The following CDH12 variants were observed in gnomAD, a reference collection of about 807,000 sequenced individuals.
The protein encoded by CDH12 is cadherin-12.
A neutral mutation model predicts 74.1 loss-of-function variants in CDH12; 41 were observed. The observed-to-expected ratio is 0.55, with a 90% CI of 0.43 to 0.72. CDH12 has a LOEUF of 0.72. Among genes scored for constraint, CDH12 ranks in the 30% least tolerant of loss-of-function variants. CDH12 has a pLI of 0.00. For missense variants in CDH12, 945 were observed against 977.2 expected (o/e 0.97, Z 0.44); for synonymous variants, 399 against 355.0 (o/e 1.12, Z -1.39).
chr5:22,699,444 A>AT (rs1465248712), intron 1 of CDH12, among the ~76,000 whole-genome samples: 1 of 151,322 alleles, frequency 6.6e-6, no homozygotes, highest in Non-Finnish European at 1.5e-5. Flanking sequence ...AAAGGCTTTG[A>AT]TACACAAAAG....
chr5:22,531,597 CAT>C (rs1215187844), intron 1 of CDH12, among the ~76,000 whole-genome samples: 1 of 152,068 alleles, frequency 6.6e-6, no homozygotes, highest in Non-Finnish European at 1.5e-5. Flanking sequence ...TAATGTATAA[CAT>C]ATTATGCAGA....
At chr5:22,411,586 G>A (rs569589156) in intron 2 of CDH12, among the ~76,000 whole-genome samples, 1 of 152,040 alleles carries the variant, frequency 6.6e-6, no homozygotes, top group African/African-American at 2.4e-5. Context: ...TATTTCCCCA[G>A]AGGACAATTT....
intron 5 of CDH12, among the ~76,000 whole-genome samples, chr5:22,040,468 T>C (rs1041292791): frequency 5.9e-5 from 9 of 152,188 alleles, no homozygotes; most frequent in African/African-American, 1.9e-4. Context: ...AAGTCCCATA[T>C]AGTTTCAACC....
intron 5 of CDH12, among the ~76,000 whole-genome samples, chr5:21,992,821 C>T (rs1757808912): frequency 6.6e-6 from 1 of 152,032 alleles, no homozygotes; most frequent in African/African-American, 2.4e-5. Flanking sequence ...ATGTATTAGT[C>T]CATTTTCACT....
chr5:22,304,973 T>G lies in CDH12; in HGVS notation c.-332-92330A>C, dbSNP rs117018076. Among the ~76,000 whole-genome samples the G allele has an allele frequency of 7.9e-4, 121 of 152,350 alleles. No individual in the cohort carries two copies. The East Asian group carries it at 0.019, about 24-fold the overall frequency. On this transcript the variant is annotated intron_variant, in intron 3 of 14. Transcript: ENST00000382254. The stretch of plus-strand genomic sequence containing the variant: ...AAATACTAGAAGGCCCCAAGGTGTG[T>G]GGCAGAGTCAATTCATAAATATTCA...
At chr5:22,069,802 C>A (rs1423534898) in intron 5 of CDH12, among the ~76,000 whole-genome samples, 1 of 152,044 alleles carries the variant, frequency 6.6e-6, no homozygotes, top group Non-Finnish European at 1.5e-5. Context: ...CCTTAGGGCA[C>A]CCCTTATATT....
At chr5:21,831,243 A>C (rs1749005792) in intron 8 of CDH12, among the ~76,000 whole-genome samples, 1 of 152,078 alleles carries the variant, frequency 6.6e-6, no homozygotes, top group African/African-American at 2.4e-5. Flanking sequence ...TATTTTCATA[A>C]ACATCAATAC....
At chr5:22,639,803 A>G (rs1189526228) in intron 1 of CDH12, among the ~76,000 whole-genome samples, 2 of 152,096 alleles carry the variant, frequency 1.3e-5, no homozygotes, top group Non-Finnish European at 2.9e-5. Context: ...CATTTTTAAT[A>G]TGATCCACCC....
At chr5:22,451,546 G>T (rs1167727059) in intron 2 of CDH12, among the ~76,000 whole-genome samples, 1 of 151,784 alleles carries the variant, frequency 6.6e-6, no homozygotes, top group Non-Finnish European at 1.5e-5. Flanking sequence ...AATAAATTAG[G>T]TATAGAAGGA....
At chr5:21,889,821 C>G in intron 6 of CDH12, 1 of 985,264 alleles carries the variant, frequency 1.0e-6, no homozygotes, top group Non-Finnish European at 1.2e-6. Flanking sequence ...TGATGAAGAA[C>G]AGCTGCCTTT....
At chr5:22,374,554 A>G (rs1333357491) in intron 3 of CDH12, among the ~76,000 whole-genome samples, 4 of 152,174 alleles carry the variant, frequency 2.6e-5, no homozygotes, top group African/African-American at 9.6e-5. Flanking sequence ...TTACATCTAG[A>G]AAAACCTAAA....
chr5:22,049,871 C>T (rs1034434586), intron 5 of CDH12, among the ~76,000 whole-genome samples: 11 of 152,064 alleles, frequency 7.2e-5, no homozygotes, highest in Non-Finnish European at 1.2e-4. Context: ...AATCCATATT[C>T]GATGTATGCC....
intron 5 of CDH12, among the ~76,000 whole-genome samples, chr5:22,074,984 C>T (rs1013322432): frequency 6.6e-6 from 1 of 152,060 alleles, no homozygotes; most frequent in African/African-American, 2.4e-5. Context: ...GATTATAAAA[C>T]ATGGTGCTAT....
intron 5 of CDH12, among the ~76,000 whole-genome samples, chr5:22,057,234 C>A (rs1336253850): frequency 6.6e-6 from 1 of 152,078 alleles, no homozygotes; most frequent in East Asian, 1.9e-4. Flanking sequence ...ACTTTATTTA[C>A]AAAAAGAGGC....
At chr5:22,384,457 C>T (rs1175449178) in intron 3 of CDH12, among the ~76,000 whole-genome samples, 2 of 131,130 alleles carry the variant, frequency 1.5e-5, no homozygotes, top group Non-Finnish European at 3.1e-5. Flanking sequence ...ACCCGGGAGG[C>T]GGAGCTTGCA....
At chr5:22,099,232 A>C (rs139855721) in intron 4 of CDH12, among the ~76,000 whole-genome samples, 20 of 152,250 alleles carry the variant, frequency 1.3e-4, no homozygotes, top group African/African-American at 4.3e-4. Context: ...TCCCACCTCT[A>C]TACGGTCTGA....
At chr5:22,038,219 C>T (rs1423841326) in intron 5 of CDH12, among the ~76,000 whole-genome samples, 1 of 152,154 alleles carries the variant, frequency 6.6e-6, no homozygotes, top group Non-Finnish European at 1.5e-5. Context: ...CTTGAGGTTT[C>T]ACTACAGCAG....
At chr5:22,122,768 A>C (rs1580285393) in intron 4 of CDH12, among the ~76,000 whole-genome samples, 1 of 152,356 alleles carries the variant, frequency 6.6e-6, no homozygotes, top group African/African-American at 2.4e-5. Flanking sequence ...TGAATAAAAC[A>C]AAAAACCTGA....
intron 4 of CDH12, among the ~76,000 whole-genome samples, chr5:22,191,989 G>T (rs1422055460): frequency 1.3e-5 from 2 of 152,192 alleles, no homozygotes; most frequent in Non-Finnish European, 2.9e-5. Flanking sequence ...AGGCTGGAGT[G>T]CAGTGGCCTG....
Sources: gnomAD v4.1 joint callset for allele counts (sites outside exome capture counted in the v4.1 genomes callset) on GRCh38, gnomAD v4.1.1 for gene constraint, MANE v1.5 for transcripts, NCBI Gene and HGNC (gene_info 2026-07-23, HGNC 2026-07-21) for gene names.